The following DUOX1 variants were observed in gnomAD, a reference collection of about 807,000 sequenced individuals.
DUOX1 encodes the protein NADPH thyroid oxidase 1.
A neutral mutation model predicts 181.8 loss-of-function variants in DUOX1; 134 were observed. The ratio of observed to expected loss-of-function variants is 0.74; its 90% CI spans 0.64 to 0.85. DUOX1 has a LOEUF of 0.85. Ranked by LOEUF, DUOX1 falls within the 40% of genes least tolerant of loss-of-function variation. DUOX1 has a pLI of 0.00. For synonymous variants in DUOX1, 798 were observed against 832.5 expected (o/e 0.96, Z 0.71); for missense variants, 1,814 against 2,064.4 (o/e 0.88, Z 2.35).
At chr15:45,164,190 G>A (rs1377268808) in intron 33 of DUOX1, among the ~76,000 whole-genome samples, 6 of 141,852 alleles carry the variant, frequency 4.2e-5, no homozygotes, top group African/African-American at 1.7e-4. Context: ...CCAAAAACTC[G>A]GGGCTACCCT....
chr15:45,148,071 G>A, intron 20 of DUOX1, 74 bp downstream of exon 20: 1 of 1,457,278 alleles, frequency 6.9e-7, no homozygotes, highest in Non-Finnish European at 9.6e-7. Flanking sequence ...ACCTGAAGGA[G>A]AGAGCAGAAG....
chr15:45,137,809 A>G, intron 9 of DUOX1, 115 bp from the exon 10 acceptor site: 2 of 783,290 alleles, frequency 2.6e-6, no homozygotes, highest in Non-Finnish European at 4.0e-6. Context: ...ACCACACACC[A>G]CCTCGGAAAG....
chr15:45,164,228 A>G (rs1897174638), intron 33 of DUOX1, among the ~76,000 whole-genome samples: 3 of 152,130 alleles, frequency 2.0e-5, no homozygotes, highest in Admixed American at 1.3e-4. Flanking sequence ...ATACTGAGTC[A>G]GTCCTCACCC....
intron 28 of DUOX1, among the ~76,000 whole-genome samples, chr15:45,157,830 AG>A (rs1897001129): frequency 6.7e-6 from 1 of 149,980 alleles, no homozygotes; most frequent in Non-Finnish European, 1.5e-5. Flanking sequence ...AAAAAAAAAA[AG>A]AAATAAAAAA....
intron 21 of DUOX1, 144 bp downstream of exon 21, chr15:45,148,591 A>G: frequency 1.3e-6 from 1 of 764,500 alleles, no homozygotes; most frequent in Non-Finnish European, 2.0e-6. Context: ...GTAATAATGT[A>G]TCCAATCTGG....
chr15:45,139,386 G>A (rs371643380), intron 11 of DUOX1, 41 bp from the exon 12 acceptor site: 3 of 1,602,996 alleles, frequency 1.9e-6, no homozygotes, highest in Middle Eastern at 1.7e-4. Flanking sequence ...CTGCTGTGGT[G>A]GCCCTGAGCT....
At chr15:45,164,633 T>C in intron 33 of DUOX1, 146 bp from the exon 34 acceptor site, 1 of 854,760 alleles carries the variant, frequency 1.2e-6, no homozygotes, top group Non-Finnish European at 1.9e-6. Flanking sequence ...TATGCCTGGC[T>C]AATTAAAAAT....
chr15:45,138,105 T>TGA (rs1555421237), intron 10 of DUOX1, 91 bp downstream of exon 10: 4 of 1,023,656 alleles, frequency 3.9e-6, no homozygotes, highest in Non-Finnish European at 4.1e-6. Context: ...TGTGTGTGTG[T>TGA]GAGTGCATGG....
chr15:45,162,746 G>A (rs1420926510), intron 31 of DUOX1, among the ~76,000 whole-genome samples: 2 of 152,266 alleles, frequency 1.3e-5, no homozygotes, highest in Non-Finnish European at 2.9e-5. Flanking sequence ...CTGGGAGAGG[G>A]AAGGGCATGT....
At position 45,161,462 on chromosome 15, in the gene DUOX1, G is replaced by GAGGA. The variant is rs369098131; in HGVS notation, c.3857-262_3857-259dup. Among the ~76,000 whole-genome samples, 501 of 141,934 alleles carry GAGGA rather than the reference G, an allele frequency of 3.5e-3. 2 individuals are homozygous for GAGGA. Among genetic ancestry groups the GAGGA allele is most frequent in the African/African-American group, 0.012 (477 of 39,024 alleles). The allele number at this position is 141,934 out of a possible 152,430, so 93.1% of individuals were successfully genotyped here. On this transcript the variant is annotated intron_variant, in intron 29 of 33. Transcript: ENST00000389037. ...AAAAGGAAGGAGGGAGGGAGGGAGG[G>GAGGA]AGGAAGGAAGGAAGGAAAGGAAAGG... is the stretch of plus-strand genomic sequence containing the variant.
At chr15:45,156,033 C>T (rs1896962082) in intron 28 of DUOX1, 104 bp downstream of exon 28, 1 of 1,476,874 alleles carries the variant, frequency 6.8e-7, no homozygotes, top group African/African-American at 1.4e-5. Context: ...CTATTTGAAG[C>T]ATCCTCTTCA....
At chr15:45,162,506 C>G in intron 31 of DUOX1, 129 bp downstream of exon 31, 1 of 1,283,666 alleles carries the variant, frequency 7.8e-7, no homozygotes, top group Non-Finnish European at 1.1e-6. Flanking sequence ...TGGTTTGAAA[C>G]CTGGGGTTGG....
At chr15:45,162,068 T>C in intron 30 of DUOX1, 98 bp downstream of exon 30, 1 of 1,458,034 alleles carries the variant, frequency 6.9e-7, no homozygotes, top group South Asian at 1.3e-5. Context: ...CTCCCCTCTC[T>C]GCATCTAGAG....
intron 28 of DUOX1, among the ~76,000 whole-genome samples, chr15:45,156,169 C>T (rs768412472): frequency 6.6e-5 from 10 of 152,210 alleles, no homozygotes; most frequent in Non-Finnish European, 1.3e-4. Flanking sequence ...CCCTGCCAGA[C>T]TGATCTCCAT....
In DUOX1 at chr15:45,163,824, A is replaced by G. The variant is rs907527455; in HGVS notation, c.4439A>G (p.Asn1480Ser). 5.6e-6 allele frequency: 9 copies of G among 1,613,902 alleles called. No individual in the cohort carries two copies. The highest frequency in any genetic ancestry group is 7.6e-6 in the Non-Finnish European group (9 of 1,179,978). Reference sequence around the variant, plus strand: ...GAGCGGCACTTCCAGAAGGTTCTGAACCGGAGTCTATTCACAGGCCTGCGC... The same window carrying G: ...GAGCGGCACTTCCAGAAGGTTCTGAGCCGGAGTCTATTCACAGGCCTGCGC... Reference protein sequence around the residue: ...ICERHFQKVLNRSLFTGLRSI... With the variant: ...ICERHFQKVLSRSLFTGLRSI... The change falls in exon 33 of 34, where the codon AAC becomes AGC. Residue 1480 changes from asparagine (N) to serine (S), a missense_variant. Physicochemically the swap from Asn to Ser is conservative, Grantham distance 46 (BLOSUM62 1). This residue lies in a region of DUOX1 where 124 missense variants were observed against 125.7 expected (regional missense o/e 0.99). Coordinates refer to ENST00000389037, the MANE Select transcript of DUOX1 (RefSeq NM_175940.3).
rs778879276 is a variant in DUOX1 at position 45,139,487 on chromosome 15, G to A, written c.1277G>A (p.Arg426Gln). 28 of 1,613,072 alleles carry A rather than the reference G, an allele frequency of 1.7e-5. No homozygotes were observed. Among genetic ancestry groups the A allele is most frequent in the African/African-American group, 2.7e-5 (2 of 74,978 alleles). The change falls in exon 12 of 34, where the codon CGG (arginine) becomes CAG (glutamine). Residue 426 changes from arginine to glutamine, a missense_variant. Physicochemically the swap from Arg to Gln is conservative, Grantham distance 43. Around this residue, in one of 5 missense-constraint regions of DUOX1, gnomAD observed 1,064 missense variants for 1,152.9 expected, o/e 0.92. Transcript: ENST00000389037. ...RTDHLASCLQRGRDLGLPSYT... is the reference protein window; with the variant it reads ...RTDHLASCLQQGRDLGLPSYT... ...GACCACCTGGCCAGCTGCCTGCAGCGGGGCCGGGATCTGGGCCTGCCCTCT... is the reference window on the plus strand; with the variant it reads ...GACCACCTGGCCAGCTGCCTGCAGCAGGGCCGGGATCTGGGCCTGCCCTCT...
intron 10 of DUOX1, 111 bp from the exon 11 acceptor site, chr15:45,138,955 A>T: frequency 1.0e-6 from 1 of 977,784 alleles, no homozygotes; most frequent in Non-Finnish European, 1.5e-6. Flanking sequence ...GGGAGCAAAC[A>T]GCAGGACTGG....
At chr15:45,150,729 G>A (rs561924467) in intron 22 of DUOX1, 28 bp downstream of exon 22, 1 of 1,609,512 alleles carries the variant, frequency 6.2e-7, no homozygotes, top group African/African-American at 1.3e-5. Context: ...AATGTCGGGG[G>A]GAGGAGTTGG....
chr15:45,154,124 C>T (rs1460342350), intron 27 of DUOX1, 124 bp downstream of exon 27: 1 of 911,532 alleles, frequency 1.1e-6, no homozygotes, highest in Middle Eastern at 2.4e-4. Flanking sequence ...AGGCTCTGTC[C>T]TCTGGCCTGA....
Sources: allele counts gnomAD v4.1 joint callset (sites outside exome capture counted in the v4.1 genomes callset), GRCh38; gene constraint gnomAD v4.1.1; regional missense constraint gnomAD v4.1.1; transcripts MANE v1.5; gene names NCBI Gene and HGNC (gene_info 2026-07-23, HGNC 2026-07-21).